The following PACRG variants were observed in gnomAD, a reference collection of about 807,000 sequenced individuals.
The protein encoded by PACRG is parkin coregulated gene protein.
In PACRG, 29 loss-of-function variants were observed where a neutral mutation model predicts 29.7. The ratio of observed to expected loss-of-function variants is 0.98; its 90% CI spans 0.73 to 1.33. The LOEUF (loss-of-function observed/expected upper bound fraction) is 1.33. PACRG is among the 40% of genes most tolerant of loss of function. The probability of loss-of-function intolerance (pLI) is 0.00; values close to 1 mark genes in which losing one functional copy is unlikely to be tolerated. For synonymous variants in PACRG, 116 were observed against 118.7 expected (o/e 0.98, Z 0.15); for missense variants, 279 against 316.2 (o/e 0.88, Z 0.89).
intron 1 of PACRG, 90 bp from the exon 2 acceptor site, chr6:162,814,056 AC>A (rs2128361887): frequency 7.4e-7 from 1 of 1,356,000 alleles, no homozygotes. Context: ...ATTTATACAA[AC>A]TGAAATCTTT....
At chr6:162,955,992 G>A (rs562717086) in intron 2 of PACRG, among the ~76,000 whole-genome samples, 1 of 152,174 alleles carries the variant, frequency 6.6e-6, no homozygotes, top group South Asian at 2.1e-4. Context: ...GGAGCCTCTG[G>A]ACATGGTGGG....
At chr6:162,987,946 G>T (rs1010461114) in intron 2 of PACRG, among the ~76,000 whole-genome samples, 3 of 152,194 alleles carry the variant, frequency 2.0e-5, no homozygotes, top group Non-Finnish European at 2.9e-5. Context: ...TTGGAGCAGG[G>T]TTATTATGTC....
intron 2 of PACRG, among the ~76,000 whole-genome samples, chr6:162,910,202 G>A (rs1796214353): frequency 1.3e-5 from 2 of 152,180 alleles, no homozygotes; most frequent in African/African-American, 4.8e-5. Context: ...TCTTAGGTAA[G>A]TGAACTGAGA....
At chr6:163,091,675 T>C (rs912380171) in intron 4 of PACRG, among the ~76,000 whole-genome samples, 2 of 152,310 alleles carry the variant, frequency 1.3e-5, no homozygotes, top group South Asian at 2.1e-4. Context: ...ATTCTAGCTA[T>C]AAAAACTTAA....
At chr6:163,161,291 G>A (rs1033405932) in intron 4 of PACRG, among the ~76,000 whole-genome samples, 6 of 151,850 alleles carry the variant, frequency 4.0e-5, no homozygotes, top group Non-Finnish European at 8.8e-5. Flanking sequence ...ACCGAGATGT[G>A]CCTGCCATAT....
At chr6:163,037,125 T>C (rs534776820) in intron 2 of PACRG, among the ~76,000 whole-genome samples, 1 of 152,302 alleles carries the variant, frequency 6.6e-6, no homozygotes, top group South Asian at 2.1e-4. Context: ...CCGTAACTGT[T>C]CTCTTCTTGC....
Position 162,812,791 on chromosome 6 carries a change from A to G in PACRG, c.157-1356A>G, listed in dbSNP as rs150933262. Among the ~76,000 whole-genome samples, 570 of 152,220 alleles carry G rather than the reference A, an allele frequency of 3.7e-3. 1 individual carries two copies. Among genetic ancestry groups the G allele is most frequent in the African/African-American group, 0.013 (544 of 41,572 alleles). ...CATGTGGTTATTTGATAATTGAATG[A>G]ATTTGACTGAAAATGGTGGCTATTA... On this transcript the variant is annotated intron_variant, in intron 1 of 4. Coordinates refer to ENST00000366888, the MANE Select transcript of PACRG (RefSeq NM_001080379.2).
chr6:162,960,561 A>T (rs1800525307), intron 2 of PACRG, among the ~76,000 whole-genome samples: 1 of 152,218 alleles, frequency 6.6e-6, no homozygotes, highest in Non-Finnish European at 1.5e-5. Flanking sequence ...CATTGAGCAC[A>T]TATGGACGTA....
intron 1 of PACRG, among the ~76,000 whole-genome samples, chr6:162,796,126 A>G (rs1785363453): frequency 2.0e-5 from 3 of 152,190 alleles, no homozygotes; most frequent in African/African-American, 7.2e-5. Flanking sequence ...GTTAAATAGT[A>G]CAGCAATAGA....
At chr6:163,049,611 C>G (rs1809777040) in intron 2 of PACRG, among the ~76,000 whole-genome samples, 1 of 151,890 alleles carries the variant, frequency 6.6e-6, no homozygotes, top group South Asian at 2.1e-4. Flanking sequence ...AGGCCAATGC[C>G]TCAGTAGAGA....
chr6:163,302,013 C>T (rs1785023425), intron 4 of PACRG, among the ~76,000 whole-genome samples: 1 of 152,140 alleles, frequency 6.6e-6, no homozygotes, highest in South Asian at 2.1e-4. Context: ...CAGGGGAAAG[C>T]CATCGGGTAC....
intron 4 of PACRG, among the ~76,000 whole-genome samples, chr6:163,123,724 G>A (rs1349326366): frequency 6.6e-6 from 1 of 152,186 alleles, no homozygotes; most frequent in Non-Finnish European, 1.5e-5. Flanking sequence ...ACTATTTTTA[G>A]ATGCTCCATA....
chr6:163,011,602 C>T lies in PACRG; in HGVS notation c.292-50548C>T, dbSNP rs560694795. 2.6e-5 allele frequency among the ~76,000 whole-genome samples: 4 copies of T among 152,230 alleles called. No individual in the cohort carries two copies. In the South Asian group the frequency reaches 8.3e-4, roughly 32 times the overall value. ...ATAGACACTGTGCACTTAGGCTACACTCCATTTATACAAAATAGTTTTCTT... is the reference window on the plus strand; with the variant it reads ...ATAGACACTGTGCACTTAGGCTACATTCCATTTATACAAAATAGTTTTCTT... On this transcript the variant is annotated intron_variant, in intron 2 of 4. Transcript: ENST00000366888.
chr6:163,078,151 A>G (rs746329936), intron 3 of PACRG, among the ~76,000 whole-genome samples: 2 of 152,238 alleles, frequency 1.3e-5, no homozygotes, highest in Non-Finnish European at 2.9e-5. Flanking sequence ...ACTCTACCGC[A>G]TAACTGCTAT....
intron 4 of PACRG, among the ~76,000 whole-genome samples, chr6:163,272,913 A>T (rs1783891166): frequency 2.1e-5 from 1 of 48,354 alleles, no homozygotes; most frequent in African/African-American, 1.2e-4. Flanking sequence ...TTTTTTTGAG[A>T]CGGAGTCTTG....
At chr6:162,816,113 G>A (rs896881382) in intron 2 of PACRG, among the ~76,000 whole-genome samples, 3 of 151,980 alleles carry the variant, frequency 2.0e-5, no homozygotes, top group Admixed American at 6.6e-5. Context: ...GATATAAAAT[G>A]CTTTTCTTTT....
chr6:163,297,334 T>C (rs556384457), intron 4 of PACRG, among the ~76,000 whole-genome samples: 1 of 152,346 alleles, frequency 6.6e-6, no homozygotes, highest in Admixed American at 6.5e-5. Context: ...GGCATGGTTT[T>C]ATAAGGAGGC....
intron 2 of PACRG, among the ~76,000 whole-genome samples, chr6:163,021,272 C>T (rs997088003): frequency 4.6e-5 from 7 of 152,208 alleles, no homozygotes; most frequent in Non-Finnish European, 1.0e-4. Context: ...CCTAGAGCTG[C>T]CCTCTCCCAT....
intron 2 of PACRG, among the ~76,000 whole-genome samples, chr6:162,884,157 C>G (rs1348434705): frequency 6.6e-6 from 1 of 152,126 alleles, no homozygotes; most frequent in Non-Finnish European, 1.5e-5. Flanking sequence ...CCAGACTGTC[C>G]TTGAAATCCT....
Sources: allele counts gnomAD v4.1 joint callset (sites outside exome capture counted in the v4.1 genomes callset), GRCh38; gene constraint gnomAD v4.1.1; transcripts MANE v1.5; gene names NCBI Gene and HGNC (gene_info 2026-07-23, HGNC 2026-07-21).